Variants in GSE1 observed in about 807,000 individuals in gnomAD.
GSE1 encodes genetic suppressor element 1.
Under a neutral mutation model 112.6 loss-of-function variants are expected in GSE1, and 32 were observed. The observed-to-expected ratio is 0.28, with a 90% CI of 0.21 to 0.38. GSE1 has a LOEUF of 0.38. GSE1 is among the 10% of genes least tolerant of loss of function. The pLI, the probability that GSE1 is intolerant of heterozygous loss-of-function variation, is 1.00. For missense variants in GSE1, 2,348 were observed against 1,699.2 expected, an observed-to-expected ratio of 1.38 and a Z score of -6.71; for synonymous variants, 1,115 against 735.6, an observed-to-expected ratio of 1.52 and a Z score of -8.35.
intron 1 of GSE1, among the ~76,000 whole-genome samples, chr16:85,299,820 C>A (rs1006062801): frequency 2.0e-5 from 3 of 151,504 alleles, no homozygotes; most frequent in Non-Finnish European, 2.9e-5. Flanking sequence ...TACATAATCA[C>A]AGCTAATCAG....
At chr16:85,502,887 C>G (rs1012967764) in intron 2 of GSE1, among the ~76,000 whole-genome samples, 3 of 152,208 alleles carry the variant, frequency 2.0e-5, no homozygotes, top group Non-Finnish European at 4.4e-5. Context: ...AAAGAGCTGC[C>G]TGTTCCAGGA....
intron 2 of GSE1, among the ~76,000 whole-genome samples, chr16:85,526,824 G>A (rs928182149): frequency 2.0e-5 from 3 of 152,224 alleles, no homozygotes; most frequent in Admixed American, 6.5e-5. Flanking sequence ...TGTCCCCACC[G>A]TTAACTGGAA....
At chr16:85,561,825 G>A (rs1011327468) in intron 1 of GSE1, among the ~76,000 whole-genome samples, 2 of 152,246 alleles carry the variant, frequency 1.3e-5, no homozygotes, top group Non-Finnish European at 2.9e-5. Context: ...CTCGGCCTGT[G>A]GGGGCCGCTG....
In GSE1 at chr16:85,658,497, C is replaced by T. The variant is rs143378553; in HGVS notation, c.1640+893C>T. ...GATAAGAAACCCTTGGGCTCTGGGA[C>T]GGAAGCGTGTTGGTGGTTTAAAATC... On this transcript the variant is annotated intron_variant, in intron 8 of 15. Coordinates refer to ENST00000253458, the MANE Select transcript of GSE1 (RefSeq NM_014615.5). Among the ~76,000 whole-genome samples the T allele has an allele frequency of 3.8e-3, 580 of 152,302 alleles. 2 individuals carry two copies. The highest frequency in any genetic ancestry group is 8.3e-3 in the South Asian group (40 of 4,824).
At chr16:85,652,108 G>A (rs532792307) in intron 3 of GSE1, among the ~76,000 whole-genome samples, 1 of 152,352 alleles carries the variant, frequency 6.6e-6, no homozygotes, top group East Asian at 1.9e-4. Context: ...CACCCTGCTG[G>A]TGCGTCCCCC....
chr16:85,604,846 C>G (rs1331338026), intron 1 of GSE1, among the ~76,000 whole-genome samples: 1 of 22,434 alleles, frequency 4.5e-5, no homozygotes, highest in Non-Finnish European at 7.7e-5. Flanking sequence ...GAGATGGAGT[C>G]TCGCTCTGTC....
intron 1 of GSE1, among the ~76,000 whole-genome samples, chr16:85,178,081 G>A (rs2074504815): frequency 6.6e-6 from 1 of 152,238 alleles, no homozygotes; most frequent in Non-Finnish European, 1.5e-5. Flanking sequence ...GGCGATGAGA[G>A]GTTGAGGAAC....
At chr16:85,489,314 C>T (rs1447534534) in intron 2 of GSE1, among the ~76,000 whole-genome samples, 2 of 152,112 alleles carry the variant, frequency 1.3e-5, no homozygotes, top group East Asian at 1.9e-4. Flanking sequence ...TTCTGAGCAA[C>T]GTCCCTGCCA....
At chr16:85,213,634 A>G (rs2075263284) in intron 1 of GSE1, among the ~76,000 whole-genome samples, 1 of 152,214 alleles carries the variant, frequency 6.6e-6, no homozygotes, top group South Asian at 2.1e-4. Flanking sequence ...CCCGTGTGTG[A>G]TAGTCAGCAA....
intron 1 of GSE1, among the ~76,000 whole-genome samples, chr16:85,191,775 G>T (rs959519219): frequency 6.6e-6 from 1 of 152,192 alleles, no homozygotes; most frequent in Non-Finnish European, 1.5e-5. Context: ...GAGAAGGGCC[G>T]CTTGTGCTGA....
At chr16:85,519,570 C>CTTTCACCACCAT (rs1555526337) in intron 2 of GSE1, among the ~76,000 whole-genome samples, 1 of 34,762 alleles carries the variant, frequency 2.9e-5, no homozygotes, top group African/African-American at 1.1e-4. Flanking sequence ...ATCATCATCA[C>CTTTCACCACCAT]CATCACCAGT....
intron 2 of GSE1, among the ~76,000 whole-genome samples, chr16:85,376,482 G>T (rs1345862511): frequency 6.6e-6 from 1 of 152,252 alleles, no homozygotes; most frequent in Non-Finnish European, 1.5e-5. Context: ...GCAGATTTGG[G>T]CACAGAAAGA....
At chr16:85,385,417 G>A (rs1436451101) in intron 2 of GSE1, among the ~76,000 whole-genome samples, 1 of 152,194 alleles carries the variant, frequency 6.6e-6, no homozygotes, top group African/African-American at 2.4e-5. Flanking sequence ...CAGACGCCTG[G>A]ACAGAGACTC....
intron 1 of GSE1, among the ~76,000 whole-genome samples, chr16:85,175,850 G>A (rs796568038): frequency 2.0e-4 from 30 of 152,228 alleles, no homozygotes; most frequent in African/African-American, 5.8e-4. Flanking sequence ...TTCCCTTTTC[G>A]TAAATAAGGA....
intron 2 of GSE1, among the ~76,000 whole-genome samples, chr16:85,547,159 T>C (rs2044729781): frequency 6.6e-6 from 1 of 152,226 alleles, no homozygotes; most frequent in African/African-American, 2.4e-5. Context: ...GGCATGCGGC[T>C]TCCAGACTTG....
intron 1 of GSE1, among the ~76,000 whole-genome samples, chr16:85,614,295 A>G (rs924099931): frequency 1.1e-4 from 17 of 151,876 alleles, no homozygotes; most frequent in African/African-American, 3.4e-4. Context: ...ATTCAATTAT[A>G]TTGCAGCACC....
intron 2 of GSE1, among the ~76,000 whole-genome samples, chr16:85,382,884 G>A (rs113913695): frequency 6.1e-5 from 9 of 146,480 alleles, no homozygotes; most frequent in Admixed American, 2.7e-4. Context: ...CACACACACC[G>A]TGCACACACA....
chr16:85,636,292 C>T (rs544711644), intron 2 of GSE1, among the ~76,000 whole-genome samples: 1 of 152,322 alleles, frequency 6.6e-6, no homozygotes, highest in African/African-American at 2.4e-5. Context: ...CACCTCACCC[C>T]CTATTGAGCT....
rs551787471 is a variant in GSE1 at position 85,420,146 on chromosome 16, G to A, written c.2464+62503G>A. Among the ~76,000 whole-genome samples the A allele has an allele frequency of 7.2e-5, 11 of 152,284 alleles. No homozygotes were observed. The South Asian group carries it at 2.3e-3, about 32-fold the overall frequency. On this transcript the variant is annotated intron_variant, in intron 2 of 2. Transcript: ENST00000637419. ...TCATGCCTATAATCCCAGTGCTTTG[G>A]GAGGCTGAAGTAGGAGGACTGCTTG...
Sources: allele counts gnomAD v4.1 joint callset (sites outside exome capture counted in the v4.1 genomes callset), GRCh38; gene constraint gnomAD v4.1.1; transcripts MANE v1.5; gene names NCBI Gene and HGNC (gene_info 2026-07-23, HGNC 2026-07-21).